COG5: variants seen among roughly 807,000 people sequenced by gnomAD.
The protein encoded by COG5 is conserved oligomeric Golgi complex subunit 5.
A neutral mutation model predicts 110.4 loss-of-function variants in COG5; 86 were observed. The observed-to-expected ratio is 0.78, with a 90% CI of 0.65 to 0.93. COG5 has a LOEUF of 0.93. COG5 is among the 40% of genes least tolerant of loss of function. The probability of loss-of-function intolerance (pLI) is 0.00; values close to 1 mark genes in which losing one functional copy is unlikely to be tolerated. For synonymous variants in COG5, 360 were observed against 334.6 expected (o/e 1.08, Z -0.83); for missense variants, 1,077 against 987.0 (o/e 1.09, Z -1.22).
intron 7 of COG5, among the ~76,000 whole-genome samples, chr7:107,392,451 G>C (rs892906831): frequency 6.6e-6 from 1 of 151,954 alleles, no homozygotes; most frequent in African/African-American, 2.4e-5. Flanking sequence ...GGCAGAGTAG[G>C]GCTTCAAGTC....
At chr7:107,311,931 C>G (rs1194819552) in intron 11 of COG5, among the ~76,000 whole-genome samples, 2 of 151,776 alleles carry the variant, frequency 1.3e-5, no homozygotes, top group Non-Finnish European at 2.9e-5. Flanking sequence ...TCCCCCGATT[C>G]CTAGCTTATT....
At chr7:107,248,531 A>C in intron 16 of COG5, 32 bp from the exon 17 acceptor site, 1 of 1,466,352 alleles carries the variant, frequency 6.8e-7, no homozygotes, top group Non-Finnish European at 9.4e-7. Context: ...AAAAAAGAAG[A>C]GGCAAGATTA....
intron 3 of COG5, among the ~76,000 whole-genome samples, chr7:107,550,319 G>A (rs1802798166): frequency 7.5e-6 from 1 of 132,982 alleles, no homozygotes; most frequent in African/African-American, 3.0e-5. Context: ...CAGTGTCCCT[G>A]ATTCCACCAT....
chr7:107,341,355 G>T (rs1460264650), intron 10 of COG5, among the ~76,000 whole-genome samples: 2 of 151,832 alleles, frequency 1.3e-5, no homozygotes, highest in African/African-American at 2.4e-5. Context: ...TATACAAAAT[G>T]CTGCTGAAAG....
At chr7:107,399,094 CG>C (rs1184809987) in intron 7 of COG5, among the ~76,000 whole-genome samples, 1 of 151,724 alleles carries the variant, frequency 6.6e-6, no homozygotes, top group Non-Finnish European at 1.5e-5. Flanking sequence ...CCCAGCTACT[CG>C]GAAGTCTGAG....
At chr7:107,326,086 C>T (rs890193805) in intron 10 of COG5, among the ~76,000 whole-genome samples, 2 of 152,096 alleles carry the variant, frequency 1.3e-5, no homozygotes, top group Admixed American at 1.3e-4. Context: ...GCAGAAAAAG[C>T]ATTAAACAAA....
Position 107,563,753 on chromosome 7 carries a change from A to T in COG5, c.94+50T>A, listed in dbSNP as rs766484333. 10 of 1,596,454 alleles carry T rather than the reference A, an allele frequency of 6.3e-6. No individual in the cohort carries two copies. The South Asian group carries it at 8.8e-5, about 14-fold the overall frequency. On this transcript the variant is annotated intron_variant, in intron 1 of 21. Coordinates refer to ENST00000297135, the MANE Select transcript of COG5 (RefSeq NM_006348.5). ...GGTCCACCTCGCTGTCCAGGTGCGG[A>T]GCAGCGCAGACCCCCAACCCCACGA... is the stretch of plus-strand genomic sequence containing the variant.
At chr7:107,345,925 C>T (rs1377595123) in intron 10 of COG5, among the ~76,000 whole-genome samples, 1 of 152,112 alleles carries the variant, frequency 6.6e-6, no homozygotes. Context: ...TATTACTTTG[C>T]TTTGTATCAG....
Position 107,463,092 on chromosome 7 carries a change from A to G in COG5, c.539-50460T>C, listed in dbSNP as rs1416425726. Among the ~76,000 whole-genome samples, 8 of 152,242 alleles carry G rather than the reference A, an allele frequency of 5.3e-5. No homozygotes were observed. In the South Asian group the frequency reaches 1.7e-3, roughly 31 times the overall value. On this transcript the variant is annotated intron_variant, in intron 6 of 21. Transcript: ENST00000297135. ...CAGCTTTTAATTGGGCTGAACTGTA[A>G]GTGAAACAGGCCCAGGTATTTATAA...
chr7:107,220,292 G>A (rs1044775020), intron 19 of COG5, among the ~76,000 whole-genome samples: 17 of 152,200 alleles, frequency 1.1e-4, no homozygotes, highest in Admixed American at 8.5e-4. Context: ...ATCATCATTT[G>A]AAGGTCACAC....
intron 7 of COG5, among the ~76,000 whole-genome samples, chr7:107,384,100 T>TAA (rs1305555493): frequency 6.6e-6 from 1 of 152,098 alleles, no homozygotes; most frequent in African/African-American, 2.4e-5. Flanking sequence ...AGATGGTTTG[T>TAA]CTGTTCTTGC....
chr7:107,228,504 T>C (rs1419130044), intron 19 of COG5, among the ~76,000 whole-genome samples: 1 of 152,172 alleles, frequency 6.6e-6, no homozygotes, highest in Non-Finnish European at 1.5e-5. Flanking sequence ...ACAGGGGTTT[T>C]AGTAAAGTAA....
chr7:107,341,365 G>T (rs1811157213), intron 10 of COG5, among the ~76,000 whole-genome samples: 1 of 152,056 alleles, frequency 6.6e-6, no homozygotes, highest in African/African-American at 2.4e-5. Context: ...GCTGCTGAAA[G>T]AAATCATAGA....
At chr7:107,557,908 G>T in intron 2 of COG5, 68 bp downstream of exon 2, 1 of 1,535,392 alleles carries the variant, frequency 6.5e-7, no homozygotes, top group Non-Finnish European at 9.0e-7. Flanking sequence ...TATTTAATAA[G>T]ATTACAAAAA....
At position 107,441,255 on chromosome 7, in the gene COG5, C is replaced by CAAAA. The variant is rs551026030; in HGVS notation, c.539-28627_539-28624dup. The stretch of plus-strand genomic sequence containing the variant: ...TGGGCAACAGAGTGAGACTCCGTCT[C>CAAAA]AAAAAAAAAAAAAAAAAAAAAAGAA... On this transcript the variant is annotated intron_variant, in intron 6 of 21. Transcript: ENST00000297135. 9.3e-3 allele frequency among the ~76,000 whole-genome samples: 660 copies of CAAAA among 71,240 alleles called. 23 individuals are homozygous for CAAAA. The highest frequency in any genetic ancestry group is 0.035 in the African/African-American group (616 of 17,558). 46.7% of individuals were successfully genotyped at this position (71,240 alleles called of 152,430 possible). A position where few individuals can be genotyped will look rare whatever the true frequency, so the allele number is the denominator to read the frequency against.
At chr7:107,418,141 G>T (rs1793016937) in intron 6 of COG5, among the ~76,000 whole-genome samples, 1 of 151,296 alleles carries the variant, frequency 6.6e-6, no homozygotes, top group Non-Finnish European at 1.5e-5. Flanking sequence ...GAAGACTGAT[G>T]AACAGTAATC....
At chr7:107,264,023 A>T (rs1333798742) in intron 14 of COG5, among the ~76,000 whole-genome samples, 1 of 152,222 alleles carries the variant, frequency 6.6e-6, no homozygotes, top group Non-Finnish European at 1.5e-5. Flanking sequence ...TGGCTCCGAA[A>T]AATGTCTAAA....
chr7:107,327,404 C>T (rs1809866225), intron 10 of COG5, among the ~76,000 whole-genome samples: 1 of 151,994 alleles, frequency 6.6e-6, no homozygotes. Flanking sequence ...TTGTATAGGA[C>T]ACCATGAACA....
intron 18 of COG5, 148 bp downstream of exon 18, chr7:107,236,302 T>C (rs868789262): frequency 4.1e-4 from 112 of 275,424 alleles, no homozygotes; most frequent in South Asian, 2.1e-3. Flanking sequence ...AAACTCTCCC[T>C]TTTTTTTTTT....
Sources: gnomAD v4.1 joint callset for allele counts (sites outside exome capture counted in the v4.1 genomes callset) on GRCh38, gnomAD v4.1.1 for gene constraint, MANE v1.5 for transcripts, NCBI Gene and HGNC (gene_info 2026-07-23, HGNC 2026-07-21) for gene names.